FRAS1: variants seen among roughly 807,000 people sequenced by gnomAD.
The protein encoded by FRAS1 is Fraser extracellular matrix complex subunit 1.
In FRAS1, 290 loss-of-function variants were observed where a neutral mutation model predicts 435.2. That is an observed-to-expected ratio of 0.67 (90% CI 0.61 to 0.73). FRAS1 has a LOEUF of 0.73. Among genes scored for constraint, FRAS1 ranks in the 30% least tolerant of loss-of-function variants. FRAS1 has a pLI of 0.00. For synonymous variants in FRAS1, 1,800 were observed against 1,851.0 expected (o/e 0.97, Z 0.71); for missense variants, 4,860 against 5,001.5 (o/e 0.97, Z 0.85).
At position 78,136,342 on chromosome 4, in the gene FRAS1, C is replaced by T. The variant is rs149978422; in HGVS notation, c.108+70326C>T. Among the ~76,000 whole-genome samples the T allele has an allele frequency of 3.1e-4, 47 of 152,264 alleles. No homozygotes were observed. The South Asian group carries it at 3.7e-3, about 12-fold the overall frequency. ...GAATGTGTGCATTTGGGTGACTCAA[C>T]GATTTTGCTGCTCTGTGCATGTCCA... On this transcript the variant is annotated intron_variant, in intron 2 of 73. Transcript: ENST00000512123.
chr4:78,255,157 C>T, intron 5 of FRAS1, 85 bp from the exon 6 acceptor site: 1 of 1,371,454 alleles, frequency 7.3e-7, no homozygotes, highest in Non-Finnish European at 1.0e-6. Flanking sequence ...TTCTGACCAA[C>T]TGCACTGGCT....
At position 78,094,112 on chromosome 4, in the gene FRAS1, T is replaced by G. The variant is rs1578118964; in HGVS notation, c.108+28096T>G. Among the ~76,000 whole-genome samples the G allele has an allele frequency of 2.8e-5, 4 of 143,956 alleles. 1 individual carries two copies. The South Asian group carries it at 6.5e-4, about 23-fold the overall frequency. 94.4% of individuals were successfully genotyped at this position (143,956 alleles called of 152,430 possible). ...TATTTTTGAATAACCAAGTTTTTTT[T>G]TTTTTTTTTTTTTTTTGCAACTGTA... On this transcript the variant is annotated intron_variant, in intron 2 of 73. Coordinates refer to ENST00000512123, the MANE Select transcript of FRAS1 (RefSeq NM_025074.7).
At chr4:78,128,459 A>G (rs1719497263) in intron 2 of FRAS1, among the ~76,000 whole-genome samples, 1 of 152,160 alleles carries the variant, frequency 6.6e-6, no homozygotes, top group African/African-American at 2.4e-5. Context: ...CTGGTGTGAG[A>G]TGGTATCTCA....
At chr4:78,339,065 A>G (rs1158541924) in intron 20 of FRAS1, among the ~76,000 whole-genome samples, 1 of 152,206 alleles carries the variant, frequency 6.6e-6, no homozygotes, top group East Asian at 1.9e-4. Context: ...TGGACTAATC[A>G]GAATTCCTAT....
chr4:78,241,172 G>T (rs1399857366), intron 3 of FRAS1, among the ~76,000 whole-genome samples: 1 of 152,146 alleles, frequency 6.6e-6, no homozygotes. Flanking sequence ...TGGGGCCTTA[G>T]GTAGGCAACA....
intron 2 of FRAS1, chr4:78,182,148 G>A: frequency 1.2e-6 from 1 of 811,978 alleles, no homozygotes; most frequent in Non-Finnish European, 1.9e-6. Context: ...GGCCAAGATG[G>A]AAGCAGGTAT....
At chr4:78,285,561 T>C (rs1190012458) in intron 13 of FRAS1, among the ~76,000 whole-genome samples, 1 of 151,346 alleles carries the variant, frequency 6.6e-6, no homozygotes, top group Non-Finnish European at 1.5e-5. Context: ...GCCTCCTGAG[T>C]AGCTGAGATT....
chr4:78,358,493 G>A (rs970838277), intron 20 of FRAS1, among the ~76,000 whole-genome samples: 8 of 152,262 alleles, frequency 5.3e-5, no homozygotes, highest in East Asian at 3.9e-4. Flanking sequence ...TATGATATGT[G>A]TAAGCAAATG....
At chr4:78,319,856 T>G (rs979573289) in intron 18 of FRAS1, among the ~76,000 whole-genome samples, 2 of 152,204 alleles carry the variant, frequency 1.3e-5, no homozygotes, top group Admixed American at 1.3e-4. Context: ...GTTAAAAGAT[T>G]TCAGGCACAA....
In FRAS1 at chr4:78,478,078, G is replaced by T. The variant is rs1310276993; in HGVS notation, c.8098+17G>T. ...AAAGAAAAGGTCTGTTGGTTCCACAGGTGACAAAGAGCTATAATAATTGCT... is the reference window on the plus strand; with the variant it reads ...AAAGAAAAGGTCTGTTGGTTCCACATGTGACAAAGAGCTATAATAATTGCT... On this transcript the variant is annotated intron_variant, in intron 55 of 73. Coordinates refer to ENST00000512123, the MANE Select transcript of FRAS1 (RefSeq NM_025074.7). 6.5e-7 allele frequency: 1 copy of T among 1,547,940 alleles called. No homozygotes were observed. Among genetic ancestry groups the T allele is most frequent in the Non-Finnish European group, 8.7e-7 (1 of 1,144,398 alleles).
chr4:78,140,675 ATGTATATGCATATACATATG>A (rs1397066532), intron 2 of FRAS1, among the ~76,000 whole-genome samples: 8 of 140,480 alleles, frequency 5.7e-5, no homozygotes, highest in East Asian at 1.9e-4. Context: ...ATATGTGTAT[ATGTATATGCATATACATATG>A]TGTATATGCA....
intron 14 of FRAS1, among the ~76,000 whole-genome samples, chr4:78,291,025 C>T (rs886148686): frequency 6.6e-6 from 1 of 152,152 alleles, no homozygotes; most frequent in African/African-American, 2.4e-5. Flanking sequence ...CTTGGCCTCC[C>T]AAAGTGCTGG....
chr4:78,499,968 G>A (rs752538818), intron 61 of FRAS1, 47 bp downstream of exon 61: 1 of 1,361,410 alleles, frequency 7.3e-7, no homozygotes, highest in Admixed American at 2.5e-5. Context: ...TAATAGAGGG[G>A]CAAAAATCTT....
intron 2 of FRAS1, among the ~76,000 whole-genome samples, chr4:78,199,704 C>T (rs959645479): frequency 2.0e-5 from 3 of 152,168 alleles, no homozygotes; most frequent in African/African-American, 7.2e-5. Flanking sequence ...ACTTCCACCT[C>T]CTAAGAGAAT....
intron 73 of FRAS1, among the ~76,000 whole-genome samples, chr4:78,539,799 A>G (rs1263544143): frequency 6.6e-6 from 1 of 152,230 alleles, no homozygotes; most frequent in Non-Finnish European, 1.5e-5. Flanking sequence ...AAAAATCATA[A>G]TACAATACAG....
At chr4:78,231,191 G>A (rs1351498736) in intron 2 of FRAS1, among the ~76,000 whole-genome samples, 1 of 151,828 alleles carries the variant, frequency 6.6e-6, no homozygotes, top group Non-Finnish European at 1.5e-5. Flanking sequence ...TCCTGACCTC[G>A]TGATTCACCC....
intron 2 of FRAS1, among the ~76,000 whole-genome samples, chr4:78,189,624 C>T (rs1722438555): frequency 1.3e-5 from 2 of 152,314 alleles, no homozygotes; most frequent in South Asian, 4.1e-4. Context: ...TAGTCTCTTT[C>T]CAAGTGTTCT....
chr4:78,294,283 G>A (rs532714008), intron 14 of FRAS1, among the ~76,000 whole-genome samples: 5 of 152,118 alleles, frequency 3.3e-5, no homozygotes, highest in African/African-American at 4.8e-5. Context: ...TTGCGGTCCC[G>A]CCTTTGGCTC....
intron 34 of FRAS1, 64 bp downstream of exon 34, chr4:78,422,064 G>A (rs534894990): frequency 1.3e-5 from 20 of 1,515,682 alleles, no homozygotes; most frequent in East Asian, 1.1e-4. Flanking sequence ...TGACAGGCTC[G>A]CCCTAACTCT....
Sources: allele counts gnomAD v4.1 joint callset (sites outside exome capture counted in the v4.1 genomes callset), GRCh38; gene constraint gnomAD v4.1.1; transcripts MANE v1.5; gene names NCBI Gene and HGNC (gene_info 2026-07-23, HGNC 2026-07-21).